DGKI: variants seen among roughly 807,000 people sequenced by gnomAD.
The protein encoded by DGKI is diacylglycerol kinase iota, also known as DAG kinase iota.
In DGKI, 55 loss-of-function variants were observed where a neutral mutation model predicts 147.5. The observed-to-expected ratio is 0.37, with a 90% CI of 0.30 to 0.47. DGKI has a LOEUF of 0.47. DGKI is among the 20% of genes least tolerant of loss of function. The pLI, the probability that DGKI is intolerant of heterozygous loss-of-function variation, is 1.00. For synonymous variants in DGKI, 469 were observed against 477.1 expected (o/e 0.98, Z 0.22); for missense variants, 1,007 against 1,323.8 (o/e 0.76, Z 3.71).
intron 23 of DGKI, among the ~76,000 whole-genome samples, chr7:137,472,345 T>TATTATATGTATACATAA (rs1563040195): frequency 3.7e-5 from 2 of 54,176 alleles, no homozygotes; most frequent in African/African-American, 3.1e-4. Flanking sequence ...ATACATATAA[T>TATTATATGTATACATAA]TATTATATGT....
chr7:137,740,020 A>G (rs778632024), intron 1 of DGKI, among the ~76,000 whole-genome samples: 2 of 152,168 alleles, frequency 1.3e-5, no homozygotes, highest in Non-Finnish European at 1.5e-5. Context: ...AACAAAGACT[A>G]TCAACCTCAC....
At chr7:137,431,813 A>C (rs1813084019) in intron 28 of DGKI, among the ~76,000 whole-genome samples, 1 of 152,174 alleles carries the variant, frequency 6.6e-6, no homozygotes, top group African/African-American at 2.4e-5. Flanking sequence ...AAGTGACTCC[A>C]AACCATGGCT....
At chr7:137,749,521 T>C (rs989037060) in intron 1 of DGKI, among the ~76,000 whole-genome samples, 3 of 152,188 alleles carry the variant, frequency 2.0e-5, no homozygotes, top group Non-Finnish European at 4.4e-5. Flanking sequence ...CTGACTTCTT[T>C]TTGGCTGCCT....
chr7:137,767,579 G>GGAGAA (rs200141467), intron 1 of DGKI, among the ~76,000 whole-genome samples: 37 of 148,008 alleles, frequency 2.5e-4, no homozygotes, highest in East Asian at 6.0e-4. Context: ...AGAAGGAGAA[G>GGAGAA]GAGAAGAGAA....
At chr7:137,832,234 C>A (rs1798239466) in intron 1 of DGKI, among the ~76,000 whole-genome samples, 2 of 152,312 alleles carry the variant, frequency 1.3e-5, no homozygotes, top group Non-Finnish European at 2.9e-5. Flanking sequence ...AGGTGGTGCC[C>A]CAGGAGGGAC....
At chr7:137,547,553 T>A (rs1195776259) in intron 20 of DGKI, among the ~76,000 whole-genome samples, 1 of 152,144 alleles carries the variant, frequency 6.6e-6, no homozygotes, top group South Asian at 2.1e-4. Context: ...TTCACAAAAT[T>A]TTAGATTTAT....
intron 28 of DGKI, among the ~76,000 whole-genome samples, chr7:137,438,174 A>G (rs1813353743): frequency 6.6e-6 from 1 of 152,270 alleles, no homozygotes; most frequent in African/African-American, 2.4e-5. Context: ...CAACACACAT[A>G]GGAAACAAAA....
intron 23 of DGKI, among the ~76,000 whole-genome samples, chr7:137,476,017 T>TA (rs1489437824): frequency 2.0e-5 from 3 of 152,188 alleles, no homozygotes; most frequent in Admixed American, 6.5e-5. Flanking sequence ...AATTTGGGGC[T>TA]AAAAACCTTT....
intron 1 of DGKI, among the ~76,000 whole-genome samples, chr7:137,764,927 A>G (rs1795964846): frequency 6.6e-6 from 1 of 152,148 alleles, no homozygotes; most frequent in Admixed American, 6.5e-5. Context: ...ATTTTACCCA[A>G]GAGGCTACAG....
At chr7:137,716,002 T>C (rs995427697) in intron 1 of DGKI, among the ~76,000 whole-genome samples, 1 of 152,006 alleles carries the variant, frequency 6.6e-6, no homozygotes, top group African/African-American at 2.4e-5. Context: ...AGGGCCAGAA[T>C]GTAAGGAGTA....
chr7:137,391,170 AG>A lies in DGKI; in HGVS notation c.*49del, dbSNP rs1562990023. 1 of 1,345,124 alleles carries A rather than the reference AG, an allele frequency of 7.4e-7. No homozygotes were observed. The highest frequency in any genetic ancestry group is 1.1e-6 in the Non-Finnish European group (1 of 936,110). The allele number at this position is 1,345,124 out of a possible 1,614,324, so 83.3% of individuals were successfully genotyped here. A position where few individuals can be genotyped will look rare whatever the true frequency, so the allele number is the denominator to read the frequency against. On this transcript the variant is annotated 3_prime_UTR_variant, in exon 33 of 33. Transcript: ENST00000614521. ...CCAGGGGAGCTGCCCAATTGCAGGG[AG>A]GGCAGATGTGATACGCTTGCTCATG...
chr7:137,497,566 T>A (rs1816013519), intron 21 of DGKI, among the ~76,000 whole-genome samples: 1 of 151,768 alleles, frequency 6.6e-6, no homozygotes, highest in Non-Finnish European at 1.5e-5. Context: ...GTAGAGAGGA[T>A]AAAGAAAATG....
At chr7:137,626,892 AT>A (rs1349568636) in intron 6 of DGKI, among the ~76,000 whole-genome samples, 1 of 152,150 alleles carries the variant, frequency 6.6e-6, no homozygotes, top group Non-Finnish European at 1.5e-5. Flanking sequence ...TCTGCCTCCC[AT>A]TCAAAATACT....
intron 20 of DGKI, among the ~76,000 whole-genome samples, chr7:137,551,331 C>T (rs949461354): frequency 1.3e-5 from 2 of 152,100 alleles, no homozygotes; most frequent in Non-Finnish European, 2.9e-5. Flanking sequence ...ATGAGGGCAC[C>T]TGTGTTGCTG....
intron 28 of DGKI, among the ~76,000 whole-genome samples, chr7:137,425,465 G>A (rs577393372): frequency 2.0e-5 from 3 of 152,156 alleles, no homozygotes; most frequent in African/African-American, 7.2e-5. Context: ...AGAGCAGAAA[G>A]ACTGGAAACT....
At chr7:137,685,182 G>A (rs554110771) in intron 2 of DGKI, among the ~76,000 whole-genome samples, 6 of 152,274 alleles carry the variant, frequency 3.9e-5, no homozygotes, top group Admixed American at 2.6e-4. Context: ...AAGGTGGTTC[G>A]GACTGAAGAT....
chr7:137,655,776 A>C (rs1210425413), intron 4 of DGKI, among the ~76,000 whole-genome samples: 1 of 152,258 alleles, frequency 6.6e-6, no homozygotes, highest in East Asian at 1.9e-4. Context: ...TTTACCCATG[A>C]CAGCTCAAGA....
At chr7:137,501,242 C>T (rs1816161144) in intron 21 of DGKI, among the ~76,000 whole-genome samples, 1 of 152,118 alleles carries the variant, frequency 6.6e-6, no homozygotes, top group South Asian at 2.1e-4. Context: ...TGTATATATA[C>T]CACATTGTCT....
intron 23 of DGKI, among the ~76,000 whole-genome samples, chr7:137,470,958 T>G (rs1326037195): frequency 6.6e-6 from 1 of 152,218 alleles, no homozygotes; most frequent in Non-Finnish European, 1.5e-5. Context: ...AAGCTTTTAT[T>G]TCTTATAAAG....
Sources: gnomAD v4.1 joint callset for allele counts (sites outside exome capture counted in the v4.1 genomes callset) on GRCh38, gnomAD v4.1.1 for gene constraint, MANE v1.5 for transcripts, NCBI Gene and HGNC (gene_info 2026-07-23, HGNC 2026-07-21) for gene names.